The following BMS1 variants were observed in gnomAD, a reference collection of about 807,000 sequenced individuals.
The protein encoded by BMS1 is BMS1 ribosome biogenesis factor, also known as ribosome biogenesis protein BMS1 homolog.
In BMS1, 53 loss-of-function variants were observed where a neutral mutation model predicts 138.7. That is an observed-to-expected ratio of 0.38 (90% CI 0.31 to 0.48). BMS1 has a LOEUF of 0.48. Ranked by LOEUF, BMS1 falls within the 20% of genes least tolerant of loss-of-function variation. The pLI is 0.97. For missense variants in BMS1, 1,360 were observed against 1,565.5 expected, an observed-to-expected ratio of 0.87 and a Z score of 2.22; for synonymous variants, 504 against 539.9, an observed-to-expected ratio of 0.93 and a Z score of 0.92.
At chr10:42,825,803 A>G (rs958260470) in intron 21 of BMS1, among the ~76,000 whole-genome samples, 6 of 152,136 alleles carry the variant, frequency 3.9e-5, no homozygotes, top group African/African-American at 9.7e-5. Flanking sequence ...CAAGTACTCT[A>G]TTGAATAAAA....
intron 13 of BMS1, among the ~76,000 whole-genome samples, chr10:42,808,670 A>G (rs1480248286): frequency 6.6e-6 from 1 of 152,066 alleles, no homozygotes; most frequent in Non-Finnish European, 1.5e-5. Context: ...CTTTACACCC[A>G]TGATCTATTT....
At chr10:42,799,527 G>A (rs1267789867) in intron 12 of BMS1, among the ~76,000 whole-genome samples, 1 of 152,170 alleles carries the variant, frequency 6.6e-6, no homozygotes, top group Admixed American at 6.5e-5. Flanking sequence ...ACTGTCTATT[G>A]TAATTCGCCA....
Position 42,786,416 on chromosome 10 carries a change from C to A in BMS1, c.367+744C>A, listed in dbSNP as rs138567948. On this transcript the variant is annotated intron_variant, in intron 3 of 22. Coordinates refer to ENST00000374518, the MANE Select transcript of BMS1 (RefSeq NM_014753.4). ...GGCTTTTCTTTATCTTTGGAGCATC[C>A]ATATTTTCTTTTCCCTTTTTTGAGA... Among the ~76,000 whole-genome samples, 172 of 151,966 alleles carry A rather than the reference C, an allele frequency of 1.1e-3. 1 individual carries two copies. The highest frequency in any genetic ancestry group is 3.7e-3 in the African/African-American group (155 of 41,432).
At chr10:42,812,085 T>C (rs1564424163) in intron 13 of BMS1, among the ~76,000 whole-genome samples, 1 of 152,218 alleles carries the variant, frequency 6.6e-6, no homozygotes, top group Non-Finnish European at 1.5e-5. Flanking sequence ...TGTATTTTGC[T>C]GTTGGAGAGT....
At chr10:42,811,203 A>G (rs1445733117) in intron 13 of BMS1, among the ~76,000 whole-genome samples, 1 of 151,912 alleles carries the variant, frequency 6.6e-6, no homozygotes, top group Non-Finnish European at 1.5e-5. Context: ...CCCCACGCAC[A>G]GCTAATTTTT....
At chr10:42,811,120 G>A (rs755616296) in intron 13 of BMS1, among the ~76,000 whole-genome samples, 4 of 151,740 alleles carry the variant, frequency 2.6e-5, no homozygotes, top group South Asian at 2.1e-4. Flanking sequence ...TTGGCTCCCC[G>A]CAACCTCCAC....
In BMS1 at chr10:42,811,521, TTTTTC is replaced by T. The variant is rs1453680056; in HGVS notation, c.2330-5073_2330-5069del. Among the ~76,000 whole-genome samples the T allele has an allele frequency of 5.1e-5, 4 of 78,354 alleles. 1 individual carries two copies. Among genetic ancestry groups the T allele is most frequent in the South Asian group, 1.2e-3 (2 of 1,652 alleles). The allele number at this position is 78,354 out of a possible 152,430, so 51.4% of individuals were successfully genotyped here. Reference sequence around the variant, plus strand: ...ACAAATGTTCACGTGTTGTATTTTCTTTTTCTTTTTTTTTTTTTTTTGAGACGGAG... The same window carrying T: ...ACAAATGTTCACGTGTTGTATTTTCTTTTTTTTTTTTTTTTTGAGACGGAG... On this transcript the variant is annotated intron_variant, in intron 13 of 22. Coordinates refer to ENST00000374518, the MANE Select transcript of BMS1 (RefSeq NM_014753.4).
At chr10:42,785,258 A>G (rs1841291010) in intron 2 of BMS1, among the ~76,000 whole-genome samples, 1 of 152,186 alleles carries the variant, frequency 6.6e-6, no homozygotes, top group Admixed American at 6.6e-5. Flanking sequence ...ATCTTGTTAC[A>G]TCTTTATTGA....
intron 14 of BMS1, 38 bp downstream of exon 14, chr10:42,816,710 T>C: frequency 6.4e-7 from 1 of 1,561,170 alleles, no homozygotes; most frequent in Non-Finnish European, 8.7e-7. Flanking sequence ...TTGGTCATTG[T>C]GTTCTGAGAG....
chr10:42,793,826 G>T (rs150933660), intron 8 of BMS1, 26 bp from the exon 9 acceptor site: 3 of 1,596,304 alleles, frequency 1.9e-6, no homozygotes, highest in African/African-American at 2.7e-5. Flanking sequence ...CTTTCCTCAC[G>T]TGCCCTTTCT....
At chr10:42,822,476 G>A (rs765999045) in intron 19 of BMS1, among the ~76,000 whole-genome samples, 2 of 152,078 alleles carry the variant, frequency 1.3e-5, no homozygotes, top group South Asian at 4.1e-4. Flanking sequence ...TATCCACTGG[G>A]TTTTGTTTCC....
intron 13 of BMS1, among the ~76,000 whole-genome samples, chr10:42,812,792 G>C (rs963614387): frequency 9.2e-5 from 14 of 152,200 alleles, no homozygotes; most frequent in African/African-American, 3.4e-4. Flanking sequence ...TTCCTGAGGG[G>C]GAATGCAATT....
chr10:42,822,484 T>G (rs2132383587), intron 19 of BMS1, among the ~76,000 whole-genome samples: 1 of 152,348 alleles, frequency 6.6e-6, no homozygotes, highest in African/African-American at 2.4e-5. Flanking sequence ...GGGTTTTGTT[T>G]CCTACTTTTT....
chr10:42,793,210 A>G, intron 8 of BMS1, 66 bp downstream of exon 8: 1 of 1,469,400 alleles, frequency 6.8e-7, no homozygotes, highest in Non-Finnish European at 9.0e-7. Flanking sequence ...TTTTTTAATC[A>G]CAAAAAGTAA....
At position 42,790,815 on chromosome 10, in the gene BMS1, A is replaced by C. The variant is rs574887189; in HGVS notation, c.636+304A>C. On this transcript the variant is annotated intron_variant, in intron 5 of 22. Coordinates refer to ENST00000374518, the MANE Select transcript of BMS1 (RefSeq NM_014753.4). ...CAGTGAGCTGAGATCACGCCACTGC[A>C]CTCCAGCCTGGGTGACACAGTGAGA... is the stretch of plus-strand genomic sequence containing the variant. Among the ~76,000 whole-genome samples the C allele has an allele frequency of 2.6e-5, 4 of 151,978 alleles. No individual in the cohort carries two copies. In the East Asian group the frequency reaches 7.8e-4, roughly 29 times the overall value.
chr10:42,811,520 C>CTTTTTTTTTTTTTTTTTTTTTTTTT (rs879940551), intron 13 of BMS1, among the ~76,000 whole-genome samples: 1 of 121,568 alleles, frequency 8.2e-6, no homozygotes, highest in Admixed American at 9.3e-5. Flanking sequence ...GTTGTATTTT[C>CTTTTTTTTTTTTTTTTTTTTTTTTT]TTTTTCTTTT....
At chr10:42,817,542 G>A (rs1842384033) in intron 15 of BMS1, 48 bp downstream of exon 15, 3 of 1,542,174 alleles carry the variant, frequency 1.9e-6, no homozygotes, top group Non-Finnish European at 2.6e-6. Context: ...CTATCATATA[G>A]CGCAGGAATC....
chr10:42,805,806 A>T (rs1441658694), intron 13 of BMS1, among the ~76,000 whole-genome samples: 1 of 151,570 alleles, frequency 6.6e-6, no homozygotes, highest in East Asian at 1.9e-4. Flanking sequence ...ATTACTTGTT[A>T]GTTCTGTTTT....
In BMS1 at chr10:42,784,537, A is replaced by G. The variant is rs781388287; in HGVS notation, c.143A>G (p.Gln48Arg). ...RKRNPKAFAV[Q>R]SAVRMARSFH... ...AGAAATCCCAAAGCTTTTGCAGTTC[A>G]GTCTGCTGTGCGGATGGCTCGATCC... The change falls in exon 2 of 23, where the codon CAG becomes CGG. Residue 48 changes from glutamine to arginine, a missense_variant. Physicochemically the swap from Gln to Arg is conservative, Grantham distance 43. Around this residue, in one of 3 missense-constraint regions of BMS1, gnomAD observed 238 missense variants for 311.1 expected, o/e 0.77. Transcript: ENST00000374518. The G allele has an allele frequency of 1.1e-5, 18 of 1,613,806 alleles. No homozygotes were observed. Among genetic ancestry groups the G allele is most frequent in the Non-Finnish European group, 1.4e-5 (17 of 1,179,836 alleles).
Sources: allele counts gnomAD v4.1 joint callset (sites outside exome capture counted in the v4.1 genomes callset), GRCh38; gene constraint gnomAD v4.1.1; regional missense constraint gnomAD v4.1.1; transcripts MANE v1.5; gene names NCBI Gene and HGNC (gene_info 2026-07-23, HGNC 2026-07-21).